RIPOR1: variants seen among roughly 807,000 people sequenced by gnomAD.
RIPOR1 encodes the protein RHO family interacting cell polarization regulator 1.
In RIPOR1, 58 loss-of-function variants were observed where a neutral mutation model predicts 116.5. The observed-to-expected ratio is 0.50, with a 90% CI of 0.40 to 0.62. The LOEUF (loss-of-function observed/expected upper bound fraction) is 0.62, where lower values mean the gene tolerates loss of function less well. Among genes scored for constraint, RIPOR1 ranks in the 20% least tolerant of loss-of-function variants. The pLI, the probability that RIPOR1 is intolerant of heterozygous loss-of-function variation, is 0.00. For synonymous variants in RIPOR1, 605 were observed against 650.0 expected (o/e 0.93, Z 1.05); for missense variants, 1,372 against 1,586.2 (o/e 0.86, Z 2.29).
At chr16:67,532,425 C>T (rs979055567) in intron 1 of RIPOR1, among the ~76,000 whole-genome samples, 2 of 151,704 alleles carry the variant, frequency 1.3e-5, no homozygotes, top group African/African-American at 4.9e-5. Context: ...TATGAACACA[C>T]CACTGCACTG....
chr16:67,546,460 C>T lies in RIPOR1; in HGVS notation c.3657C>T (p.Phe1219=), dbSNP rs1348421677. Residue 1219 remains phenylalanine (F), a synonymous_variant, in exon 22 of 22, where the codon TTC becomes TTT. Coordinates refer to ENST00000042381, the MANE Select transcript of RIPOR1 (RefSeq NM_024519.4). ...CTGGCAGCATGGCCAGCACAGCATTCTAAACTATTCACCCATGGGTTCCTG... is the reference window on the plus strand; with the variant it reads ...CTGGCAGCATGGCCAGCACAGCATTTTAAACTATTCACCCATGGGTTCCTG... ...FGPGSMASTA[F] The T allele has an allele frequency of 9.9e-6, 16 of 1,613,636 alleles. No individual in the cohort carries two copies. The highest frequency in any genetic ancestry group is 1.4e-5 in the Non-Finnish European group (16 of 1,179,682).
rs924992666 is a variant in RIPOR1, at chr16:67,538,210, G to T, written c.-23-214G>T. The T allele has an allele frequency of 3.7e-5, 17 of 459,328 alleles. No homozygotes were observed. In the East Asian group the frequency reaches 6.1e-4, roughly 16 times the overall value. 28.5% of individuals were successfully genotyped at this position (459,328 alleles called of 1,614,324 possible). On this transcript the variant is annotated intron_variant, in intron 1 of 21. Transcript: ENST00000042381. ...GCCCGCACCTCGGCAGGAAGTGGGGGCCGAGCCGAGGCCACGCTGAGTCCG... is the reference window on the plus strand; with the variant it reads ...GCCCGCACCTCGGCAGGAAGTGGGGTCCGAGCCGAGGCCACGCTGAGTCCG...
At chr16:67,538,335 G>GA (rs1038859701) in intron 1 of RIPOR1, 89 bp from the exon 2 acceptor site, 77 of 1,473,624 alleles carry the variant, frequency 5.2e-5, no homozygotes, top group Non-Finnish European at 6.9e-5. Context: ...CTAGCGACAG[G>GA]AAAGACCTGC....
At chr16:67,520,385 A>AAAAAG (rs1259050284) in intron 1 of RIPOR1, among the ~76,000 whole-genome samples, 1 of 150,972 alleles carries the variant, frequency 6.6e-6, no homozygotes, top group Non-Finnish European at 1.5e-5. Flanking sequence ...CTCAAAAAAA[A>AAAAAG]AAAAGAAAAG....
chr16:67,543,131 C>T lies in RIPOR1; in HGVS notation c.2345C>T (p.Ala782Val). ...GTCCAGACCCCAGTCCCAACGGCAG[C>T]CGGAGGGTCTGGGGACAGGAGCCTG... is the stretch of plus-strand genomic sequence containing the variant. Reference protein sequence around the residue: ...MAVQTPVPTAAGGSGDRSLEE... With the variant: ...MAVQTPVPTAVGGSGDRSLEE... Residue 782 changes from alanine (A) to valine (V), a missense_variant, in exon 13 of 22, where the codon GCC becomes GTC. By Grantham distance (64) the Ala-to-Val change is moderately conservative (BLOSUM62 0). Around this residue, in one of 3 missense-constraint regions of RIPOR1, gnomAD observed 1,005 missense variants for 1,144.7 expected, o/e 0.88. Transcript: ENST00000042381. The surrounding 1 kb of genome is among the most constrained non-coding windows in gnomAD (Gnocchi z 4.7). The T allele has an allele frequency of 6.6e-7, 1 of 1,524,652 alleles. No homozygotes were observed. The highest frequency in any genetic ancestry group is 1.3e-5 in the South Asian group (1 of 75,860). The allele number at this position is 1,524,652 out of a possible 1,614,324, so 94.4% of individuals were successfully genotyped here. A position where few individuals can be genotyped will look rare whatever the true frequency, so the allele number is the denominator to read the frequency against.
In RIPOR1 at chr16:67,543,801, C is replaced by T; in HGVS notation, c.2600+332C>T. The T allele has an allele frequency of 2.3e-6, 1 of 427,026 alleles. No individual in the cohort carries two copies. Among genetic ancestry groups the T allele is most frequent in the Non-Finnish European group, 4.3e-6 (1 of 230,020 alleles). The allele number at this position is 427,026 out of a possible 1,614,324, so 26.5% of individuals were successfully genotyped here. A position where few individuals can be genotyped will look rare whatever the true frequency, so the allele number is the denominator to read the frequency against. On this transcript the variant is annotated intron_variant, in intron 14 of 21. Transcript: ENST00000042381. The surrounding 1 kb of genome is among the most constrained non-coding windows in gnomAD (Gnocchi z 4.7). Reference sequence around the variant, plus strand: ...TCCCCTTGGCCTCACCTTGGACCTGCCCTTTAAGGAGCTCTCTCAGTGTCT... The same window carrying T: ...TCCCCTTGGCCTCACCTTGGACCTGTCCTTTAAGGAGCTCTCTCAGTGTCT...
At chr16:67,539,531 G>C (rs1049691464) in intron 4 of RIPOR1, 197 bp from the exon 5 acceptor site, 28 of 682,974 alleles carry the variant, frequency 4.1e-5, no homozygotes, top group Non-Finnish European at 6.8e-5. Flanking sequence ...GGGTCCTGGA[G>C]GGGGCTGAAG....
At position 67,530,954 on chromosome 16, in the gene RIPOR1, C is replaced by T. The variant is rs371936204; in HGVS notation, c.-24+2040C>T. 7.2e-5 allele frequency among the ~76,000 whole-genome samples: 11 copies of T among 152,252 alleles called. 1 individual carries two copies. The East Asian group carries it at 9.7e-4, about 13-fold the overall frequency. On this transcript the variant is annotated intron_variant, in intron 1 of 21. Coordinates refer to ENST00000042381, the MANE Select transcript of RIPOR1 (RefSeq NM_024519.4). The surrounding 1 kb of genome is among the most constrained non-coding windows in gnomAD (Gnocchi z 4.5). Reference sequence around the variant, plus strand: ...CTCACCCAGCAAGGGCAATCTTGCCCGCCCATCTCCCGAAGCGGTCACTCA... The same window carrying T: ...CTCACCCAGCAAGGGCAATCTTGCCTGCCCATCTCCCGAAGCGGTCACTCA...
rs142295339 is a variant in RIPOR1 at position 67,546,000 on chromosome 16, G to A, written c.3439G>A (p.Val1147Met). 8.1e-6 allele frequency: 13 copies of A among 1,613,556 alleles called. No homozygotes were observed. In the African/African-American group the frequency reaches 1.6e-4, roughly 20 times the overall value. Residue 1147 changes from valine to methionine, a missense_variant, in exon 20 of 22, where the codon GTG becomes ATG. Val to Met is a conservative substitution (Grantham distance 21, BLOSUM62 1). This residue lies in a region of RIPOR1 where 1,005 missense variants were observed against 1,144.7 expected (regional missense o/e 0.88). Transcript: ENST00000042381. This position sits in a 1 kb window ranked among gnomAD's most constrained non-coding sequence, Gnocchi z 4.8. ...GGAGGATGAGGACGTGCAGACTCGA[G>A]TGGCTGGCTGCCTGGCCCTAGGCTG... ...QLEDEDVQTR[V>M]AGCLALGCIK...
upstream of RIPOR1, among the ~76,000 whole-genome samples, chr16:67,525,372 A>G (rs983563322): frequency 7.2e-5 from 11 of 152,154 alleles, no homozygotes; most frequent in African/African-American, 2.7e-4. Flanking sequence ...CCGACATTCC[A>G]CAAATGCTTG....
In RIPOR1 at chr16:67,544,189, G is replaced by T; in HGVS notation, c.2601-110G>T. On this transcript the variant is annotated intron_variant, in intron 14 of 21. Coordinates refer to ENST00000042381, the MANE Select transcript of RIPOR1 (RefSeq NM_024519.4). This position sits in a 1 kb window ranked among gnomAD's most constrained non-coding sequence, Gnocchi z 5.1. ...TGAACTTACCCCACTGTCTGCTGTC[G>T]GTGCATCATCTTCTTCCTTTCTGGC... The T allele has an allele frequency of 7.2e-7, 1 of 1,384,468 alleles. No individual in the cohort carries two copies. The highest frequency in any genetic ancestry group is 9.8e-7 in the Non-Finnish European group (1 of 1,016,310). The allele number at this position is 1,384,468 out of a possible 1,614,324, so 85.8% of individuals were successfully genotyped here.
At position 67,537,857 on chromosome 16, in the gene RIPOR1, C is replaced by A. The variant is rs1001141901; in HGVS notation, c.-23-567C>A. ...CCTGCCTGGAGGGCGCCGGGACGCC[C>A]GGGCCGGTGGGGGCTGGGGGCAGCA... On this transcript the variant is annotated intron_variant, in intron 1 of 21. Transcript: ENST00000042381. This position sits in a 1 kb window ranked among gnomAD's most constrained non-coding sequence, Gnocchi z 4.6. Among the ~76,000 whole-genome samples the A allele has an allele frequency of 4.6e-5, 7 of 152,012 alleles. No individual in the cohort carries two copies. In the South Asian group the frequency reaches 1.0e-3, roughly 23 times the overall value.
Position 67,542,540 on chromosome 16 carries a change from C to T in RIPOR1, c.1754C>T (p.Thr585Ile). 2 of 1,613,966 alleles carry T rather than the reference C, an allele frequency of 1.2e-6. No individual in the cohort carries two copies. The highest frequency in any genetic ancestry group is 1.1e-5 in the South Asian group (1 of 91,078). ...CCCATAATCTCTACCCTTACTACTA[C>T]AGGCCCTACCCTCAATATCATAGGC... is the stretch of plus-strand genomic sequence containing the variant. ...HKPIISTLTT[T>I]GPTLNIIGPV... The change falls in exon 13 of 22, where the codon ACA (threonine) becomes ATA (isoleucine). Residue 585 changes from threonine to isoleucine, a missense_variant. By Grantham distance (89) the Thr-to-Ile change is moderately conservative. Coordinates refer to ENST00000042381, the MANE Select transcript of RIPOR1 (RefSeq NM_024519.4). The surrounding 1 kb of genome is among the most constrained non-coding windows in gnomAD (Gnocchi z 4.6).
At chr16:67,538,268 G>C in intron 1 of RIPOR1, 156 bp from the exon 2 acceptor site, 1 of 946,936 alleles carries the variant, frequency 1.1e-6, no homozygotes, top group Non-Finnish European at 1.5e-6. Context: ...CCTGTCATTA[G>C]TGCCCGGGTC....
In RIPOR1 at chr16:67,529,789, G is replaced by A. The variant is rs755482293; in HGVS notation, c.-24+875G>A. 30 of 1,535,584 alleles carry A rather than the reference G, an allele frequency of 2.0e-5. No homozygotes were observed. The African/African-American group carries it at 4.1e-4, about 21-fold the overall frequency. On this transcript the variant is annotated intron_variant, in intron 1 of 21. Coordinates refer to ENST00000042381, the MANE Select transcript of RIPOR1 (RefSeq NM_024519.4). This position sits in a 1 kb window ranked among gnomAD's most constrained non-coding sequence, Gnocchi z 4.1. ...TGCGGGGCCGCGCCCTGGGCCTGCC[G>A]CATTCGGCCAACGCACAGCATCTGA...
chr16:67,529,722 T>TG lies in RIPOR1; in HGVS notation c.-24+809dup. 6.5e-7 allele frequency: 1 copy of TG among 1,527,318 alleles called. No individual in the cohort carries two copies. Among genetic ancestry groups the TG allele is most frequent in the South Asian group, 1.2e-5 (1 of 83,056 alleles). 94.6% of individuals were successfully genotyped at this position (1,527,318 alleles called of 1,614,324 possible). A position where few individuals can be genotyped will look rare whatever the true frequency, so the allele number is the denominator to read the frequency against. On this transcript the variant is annotated intron_variant, in intron 1 of 21. Coordinates refer to ENST00000042381, the MANE Select transcript of RIPOR1 (RefSeq NM_024519.4). The surrounding 1 kb of genome is among the most constrained non-coding windows in gnomAD (Gnocchi z 4.1). ...AGGCTGGCCGCCCCAGCACCTACTG[T>TG]GCGCAGCCTCGTGTAACAATACTTG... is the stretch of plus-strand genomic sequence containing the variant.
chr16:67,546,243 G>A lies in RIPOR1; in HGVS notation c.3562+12G>A. ...CCTACAGCAGTGTGGTGAGGCTGGGGGATGGAAGAGATGGGTGGAGTTCTG... is the reference window on the plus strand; with the variant it reads ...CCTACAGCAGTGTGGTGAGGCTGGGAGATGGAAGAGATGGGTGGAGTTCTG... On this transcript the variant is annotated intron_variant, in intron 21 of 21. Coordinates refer to ENST00000042381, the MANE Select transcript of RIPOR1 (RefSeq NM_024519.4). 6.2e-7 allele frequency: 1 copy of A among 1,613,856 alleles called. No individual in the cohort carries two copies. Among genetic ancestry groups the A allele is most frequent in the South Asian group, 1.1e-5 (1 of 91,088 alleles).
Position 67,530,005 on chromosome 16 carries a change from G to C in RIPOR1, c.-24+1091G>C. 3.0e-6 allele frequency: 2 copies of C among 671,710 alleles called. No homozygotes were observed. The highest frequency in any genetic ancestry group is 5.4e-5 in the East Asian group (2 of 36,932). 41.6% of individuals were successfully genotyped at this position (671,710 alleles called of 1,614,324 possible). On this transcript the variant is annotated intron_variant, in intron 1 of 21. Transcript: ENST00000042381. This position sits in a 1 kb window ranked among gnomAD's most constrained non-coding sequence, Gnocchi z 4.5. ...GGCTGAGGTACAAAATACTCCAGCG[G>C]GACAAGGAGGACTGGCATAGCTCCT...
At position 67,541,776 on chromosome 16, in the gene RIPOR1, T is replaced by C; in HGVS notation, c.1074T>C (p.Ala358=). ...ACACACCCTCACTTCGGGAACAGGC[T>C]TTCTATGTGAGTCATAGCCCAGGTC... ...PPDTPSLREQ[A]FYNMLRRQEE... is the part of the protein sequence containing the mutation. Residue 358 remains alanine, a synonymous_variant, in exon 12 of 22, where the codon GCT becomes GCC. Transcript: ENST00000042381. The surrounding 1 kb of genome is among the most constrained non-coding windows in gnomAD (Gnocchi z 4.6). 6.2e-7 allele frequency: 1 copy of C among 1,614,012 alleles called. No homozygotes were observed. Among genetic ancestry groups the C allele is most frequent in the South Asian group, 1.1e-5 (1 of 91,078 alleles).
Sources: allele counts gnomAD v4.1 joint callset (sites outside exome capture counted in the v4.1 genomes callset), GRCh38; gene constraint gnomAD v4.1.1; regional missense constraint gnomAD v4.1.1; non-coding constraint Gnocchi (gnomAD v3.1); transcripts MANE v1.5; gene names NCBI Gene and HGNC (gene_info 2026-07-23, HGNC 2026-07-21).